The following TRERF1 variants were observed in gnomAD, a reference collection of about 807,000 sequenced individuals.
The protein encoded by TRERF1 is transcriptional-regulating factor 1.
Under a neutral mutation model 122.9 loss-of-function variants are expected in TRERF1, and 27 were observed. The observed-to-expected ratio is 0.22, with a 90% confidence interval of 0.16 to 0.30. The LOEUF (loss-of-function observed/expected upper bound fraction) is 0.30, where lower values mean the gene tolerates loss of function less well. Ranked by LOEUF, TRERF1 falls within the 10% of genes least tolerant of loss-of-function variation. The pLI, the probability that TRERF1 is intolerant of heterozygous loss-of-function variation, is 1.00. For missense variants in TRERF1, 1,248 were observed against 1,560.3 expected (o/e 0.80, Z 3.37); for synonymous variants, 636 against 641.7 (o/e 0.99, Z 0.13).
intron 16 of TRERF1, among the ~76,000 whole-genome samples, 158 bp downstream of exon 16, chr6:42,236,047 T>C (rs1322327707): frequency 6.6e-6 from 1 of 152,186 alleles, no homozygotes; most frequent in Non-Finnish European, 1.5e-5. Context: ...AAATACCTGT[T>C]GGCCAAATGA....
intron 2 of TRERF1, among the ~76,000 whole-genome samples, chr6:42,418,218 C>CTTTTTTTTTTTTTTTTTTT (rs34388801): frequency 2.9e-5 from 1 of 34,664 alleles, no homozygotes; most frequent in African/African-American, 1.1e-4. Flanking sequence ...TTTTTCTTTC[C>CTTTTTTTTTTTTTTTTTTT]TTTTTTTTTT....
At chr6:42,306,530 A>G (rs1336882281) in intron 3 of TRERF1, among the ~76,000 whole-genome samples, 1 of 152,336 alleles carries the variant, frequency 6.6e-6, no homozygotes, top group South Asian at 2.1e-4. Context: ...GACTCACCAC[A>G]GGCTAACATG....
Position 42,269,768 on chromosome 6 carries a change from T to C in TRERF1, c.-178A>G. 7.0e-7 allele frequency: 1 copy of C among 1,437,002 alleles called. No homozygotes were observed. Among genetic ancestry groups the C allele is most frequent in the Non-Finnish European group, 9.1e-7 (1 of 1,101,246 alleles). The allele number at this position is 1,437,002 out of a possible 1,614,324, so 89.0% of individuals were successfully genotyped here. A position where few individuals can be genotyped will look rare whatever the true frequency, so the allele number is the denominator to read the frequency against. ...TTCCTGTTGGCCTGTACCACTCATGTGCAGGGCGGGGGGTTTCACATCCTC... is the reference window on the plus strand; with the variant it reads ...TTCCTGTTGGCCTGTACCACTCATGCGCAGGGCGGGGGGTTTCACATCCTC... On this transcript the variant is annotated 5_prime_UTR_variant, in exon 5 of 18. Transcript: ENST00000372922. The surrounding 1 kb of genome is among the most constrained non-coding windows in gnomAD (Gnocchi z 4.9).
intron 2 of TRERF1, among the ~76,000 whole-genome samples, chr6:42,380,070 G>A (rs1039460955): frequency 2.0e-5 from 3 of 152,212 alleles, no homozygotes; most frequent in Non-Finnish European, 4.4e-5. Flanking sequence ...GGTCTCTGGG[G>A]GAAGAGTGGA....
At chr6:42,408,993 T>C (rs1373827026) in intron 2 of TRERF1, among the ~76,000 whole-genome samples, 1 of 152,148 alleles carries the variant, frequency 6.6e-6, no homozygotes, top group Non-Finnish European at 1.5e-5. Flanking sequence ...TTGTCATATA[T>C]AAATGTCTTC....
At chr6:42,398,075 A>G (rs1778879643) in intron 2 of TRERF1, among the ~76,000 whole-genome samples, 1 of 152,234 alleles carries the variant, frequency 6.6e-6, no homozygotes, top group South Asian at 2.1e-4. Context: ...GAAGAAGGTG[A>G]TAAGTCAGTA....
intron 16 of TRERF1, among the ~76,000 whole-genome samples, 155 bp from the exon 17 acceptor site, chr6:42,233,083 A>G (rs1380726878): frequency 6.6e-6 from 1 of 152,132 alleles, no homozygotes; most frequent in East Asian, 1.9e-4. Flanking sequence ...TCCTGTGCCA[A>G]TCAAAACCTC....
At chr6:42,319,129 T>A (rs1762974635) in intron 3 of TRERF1, among the ~76,000 whole-genome samples, 1 of 146,650 alleles carries the variant, frequency 6.8e-6, no homozygotes, top group Non-Finnish European at 1.5e-5. Context: ...ATTGTTGCCC[T>A]CCTAAGGGGA....
At position 42,429,471 on chromosome 6, in the gene TRERF1, C is replaced by T. The variant is rs115742872; in HGVS notation, c.-454+21706G>A. ...CTGCTACCGCCTCCTCTCACTTTCT[C>T]CGGGGCCTTAGCTCTGTCAGATTTT... On this transcript the variant is annotated intron_variant, in intron 2 of 17. Coordinates refer to ENST00000372922, the Ensembl canonical transcript of TRERF1. Among the ~76,000 whole-genome samples the T allele has an allele frequency of 3.3e-3, 496 of 152,294 alleles. 3 individuals carry two copies. Among genetic ancestry groups the T allele is most frequent in the African/African-American group, 0.011 (472 of 41,558 alleles).
At chr6:42,271,334 T>G (rs2149926002) in intron 4 of TRERF1, among the ~76,000 whole-genome samples, 1 of 152,258 alleles carries the variant, frequency 6.6e-6, no homozygotes, top group African/African-American at 2.4e-5. Flanking sequence ...AAACTTCTCA[T>G]GTACTACACC....
intron 3 of TRERF1, among the ~76,000 whole-genome samples, chr6:42,307,804 C>T (rs529905351): frequency 5.9e-5 from 9 of 152,288 alleles, no homozygotes; most frequent in African/African-American, 1.9e-4. Context: ...AGTCCCAGAA[C>T]CTGGGAACAG....
chr6:42,410,666 C>G (rs1381910930), intron 2 of TRERF1, among the ~76,000 whole-genome samples: 1 of 152,152 alleles, frequency 6.6e-6, no homozygotes, highest in Non-Finnish European at 1.5e-5. Flanking sequence ...TCATTTAACA[C>G]AGGGACTGTA....
chr6:42,256,442 TG>T (rs1776763062), intron 12 of TRERF1, among the ~76,000 whole-genome samples: 1 of 152,160 alleles, frequency 6.6e-6, no homozygotes, highest in Admixed American at 6.5e-5. Flanking sequence ...AGTTTTCTGA[TG>T]TGAAGTGCAA....
At chr6:42,301,175 A>G (rs1290748161) in intron 3 of TRERF1, among the ~76,000 whole-genome samples, 2 of 152,234 alleles carry the variant, frequency 1.3e-5, no homozygotes, top group Admixed American at 6.5e-5. Flanking sequence ...GTGCCTTGGC[A>G]TACAGCTTCT....
intron 4 of TRERF1, among the ~76,000 whole-genome samples, chr6:42,284,576 T>A (rs1782861031): frequency 6.6e-6 from 1 of 152,186 alleles, no homozygotes; most frequent in African/African-American, 2.4e-5. Flanking sequence ...TTGGCTTAGA[T>A]CACATTTAAC....
rs1206776696 is a variant in TRERF1 at position 42,269,413 on chromosome 6, C to T, written c.178G>A (p.Asp60Asn). Residue 60 changes from aspartate to asparagine, a missense_variant, in exon 5 of 18, where the codon GAT (aspartate) becomes AAT (asparagine). Physicochemically the swap from Asp to Asn is conservative, Grantham distance 23. Coordinates refer to ENST00000372922, the Ensembl canonical transcript of TRERF1. This position sits in a 1 kb window ranked among gnomAD's most constrained non-coding sequence, Gnocchi z 4.9. Reference sequence around the variant, plus strand: ...GGCAAGCCCAGACCATCCCGTGTATCTTGAGGGAAGTGGGGGGAGATTGGC... The same window carrying T: ...GGCAAGCCCAGACCATCCCGTGTATTTTGAGGGAAGTGGGGGGAGATTGGC... 3 of 1,614,088 alleles carry T rather than the reference C, an allele frequency of 1.9e-6. No individual in the cohort carries two copies. The African/African-American group carries it at 4.0e-5, about 22-fold the overall frequency.
rs73430842 is a variant in TRERF1 at position 42,382,932 on chromosome 6, G to C, written c.-453-19853C>G. ...GCCAAGTGCCTCTTGGGGCTTGGGG[G>C]GTGGGGTGGGTGTGGGGCAAAATCA... On this transcript the variant is annotated intron_variant, in intron 2 of 17. Coordinates refer to ENST00000372922, the Ensembl canonical transcript of TRERF1. Among the ~76,000 whole-genome samples, 1,250 of 152,182 alleles carry C rather than the reference G, an allele frequency of 8.2e-3. 22 individuals are homozygous for C. The highest frequency in any genetic ancestry group is 0.028 in the African/African-American group (1,177 of 41,518).
intron 3 of TRERF1, among the ~76,000 whole-genome samples, chr6:42,351,138 T>C (rs1769368268): frequency 6.6e-6 from 1 of 152,194 alleles, no homozygotes; most frequent in South Asian, 2.1e-4. Flanking sequence ...ACAACTATAA[T>C]GTTCACGATA....
At chr6:42,320,505 A>ATTTTTTT (rs1420313838) in intron 3 of TRERF1, among the ~76,000 whole-genome samples, 29 of 131,538 alleles carry the variant, frequency 2.2e-4, no homozygotes, top group African/African-American at 1.1e-3. Flanking sequence ...AAAGTGAAAG[A>ATTTTTTT]ATTTTTTTTT....
Sources: allele counts gnomAD v4.1 joint callset (sites outside exome capture counted in the v4.1 genomes callset), GRCh38; gene constraint gnomAD v4.1.1; non-coding constraint Gnocchi (gnomAD v3.1); transcripts MANE v1.5; gene names NCBI Gene and HGNC (gene_info 2026-07-23, HGNC 2026-07-21).